FBXL18: variants seen among roughly 807,000 people sequenced by gnomAD.
FBXL18 encodes the protein F-box/LRR-repeat protein 18.
A neutral mutation model predicts 46.0 loss-of-function variants in FBXL18; 36 were observed. That is an observed-to-expected ratio of 0.78 (90% CI 0.60 to 1.03). The LOEUF (loss-of-function observed/expected upper bound fraction) is 1.03, where lower values mean the gene tolerates loss of function less well. FBXL18 is among the 50% of genes least tolerant of loss of function. FBXL18 has a pLI of 0.00. For missense variants in FBXL18, 977 were observed against 1,004.1 expected (o/e 0.97, Z 0.36); for synonymous variants, 557 against 465.3 (o/e 1.20, Z -2.54).
Position 5,501,924 on chromosome 7 carries a change from C to G in FBXL18, c.345G>C (p.Val115=). 1 of 1,603,216 alleles carries G rather than the reference C, an allele frequency of 6.2e-7. No individual in the cohort carries two copies. Among genetic ancestry groups the G allele is most frequent in the Non-Finnish European group, 8.5e-7 (1 of 1,176,184 alleles). Residue 115 remains valine, a synonymous_variant, in exon 3 of 5, where the codon GTG becomes GTC. Coordinates refer to ENST00000382368, the MANE Select transcript of FBXL18 (RefSeq NM_024963.6). ...CCTTCACCAGGCTGCGGCAGCGGGC[C>G]ACGTGTTCCACGGTGGAGCCAGGCA... ...YWLPGSTVEH[V]ARCRSLVKVN... is the part of the protein sequence containing the mutation.
chr7:5,497,377 A>C (rs1784109934), intron 3 of FBXL18, among the ~76,000 whole-genome samples: 1 of 152,130 alleles, frequency 6.6e-6, no homozygotes, highest in Admixed American at 6.6e-5. Context: ...GGAGCCTCGC[A>C]GTGGCTCGAG....
Position 5,513,795 on chromosome 7 carries a change from G to T in FBXL18, c.-121C>A. The stretch of plus-strand genomic sequence containing the variant: ...CAACCGAGACCCCGGCAAGGAGCGG[G>T]CTCTCGTCACTTCCGGCGCCCGCCT... On this transcript the variant is annotated 5_prime_UTR_variant, in exon 1 of 5. Coordinates refer to ENST00000382368, the MANE Select transcript of FBXL18 (RefSeq NM_024963.6). 7.2e-7 allele frequency: 1 copy of T among 1,388,702 alleles called. No homozygotes were observed. Among genetic ancestry groups the T allele is most frequent in the Non-Finnish European group, 9.7e-7 (1 of 1,030,022 alleles). The allele number at this position is 1,388,702 out of a possible 1,614,324, so 86.0% of individuals were successfully genotyped here. A position where few individuals can be genotyped will look rare whatever the true frequency, so the allele number is the denominator to read the frequency against.
chr7:5,473,502 C>T (rs1393959097), downstream of FBXL18, among the ~76,000 whole-genome samples: 2 of 152,128 alleles, frequency 1.3e-5, no homozygotes. Context: ...TGGTTCATGC[C>T]TGTAATCCCA....
intron 4 of FBXL18, among the ~76,000 whole-genome samples, chr7:5,482,217 G>A (rs951046672): frequency 6.6e-6 from 1 of 152,186 alleles, no homozygotes; most frequent in Non-Finnish European, 1.5e-5. Context: ...AGGCCCCGGA[G>A]GCCAACCCTG....
chr7:5,493,076 T>C (rs1376549006), intron 3 of FBXL18, among the ~76,000 whole-genome samples: 1 of 152,154 alleles, frequency 6.6e-6, no homozygotes, highest in Non-Finnish European at 1.5e-5. Context: ...GGCTCACACT[T>C]ATAATCCCAG....
intron 3 of FBXL18, 80 bp from the exon 4 acceptor site, chr7:5,491,529 A>G: frequency 8.1e-7 from 1 of 1,241,978 alleles, no homozygotes; most frequent in East Asian, 2.5e-5. Context: ...AGGTGCTGCC[A>G]GTGGAAGCTT....
Position 5,500,655 on chromosome 7 carries a change from G to A in FBXL18, c.1614C>T (p.Leu538=). The A allele has an allele frequency of 1.9e-6, 3 of 1,611,968 alleles. No homozygotes were observed. The highest frequency in any genetic ancestry group is 2.5e-6 in the Non-Finnish European group (3 of 1,179,438). ...CCGTAAGGACGCTGGGCAGCTGTGC[G>A]AGCGTCAGGTGCCGCAGGAAGGCCA... ...GQLAFLRHLT[L]AQLPSVLTGS... Residue 538 remains leucine, a synonymous_variant, in exon 3 of 5, where the codon CTC becomes CTT. Transcript: ENST00000382368.
chr7:5,489,345 T>C (rs1431160692), intron 4 of FBXL18: 2 of 518,300 alleles, frequency 3.9e-6, no homozygotes, highest in Non-Finnish European at 7.7e-6. Flanking sequence ...TAAAAATAGG[T>C]TGATGTTGGC....
At chr7:5,461,246 A>AC (rs1396034689) in intron 4 of FBXL18, among the ~76,000 whole-genome samples, 1 of 152,162 alleles carries the variant, frequency 6.6e-6, no homozygotes, top group Non-Finnish European at 1.5e-5. Flanking sequence ...TGGGCACTGC[A>AC]CTGGGCACTT....
intron 4 of FBXL18, chr7:5,489,441 C>CT: frequency 2.3e-6 from 1 of 432,512 alleles, no homozygotes; most frequent in Non-Finnish European, 4.5e-6. Context: ...TAGAGACCAG[C>CT]CTGGGCAACA....
At chr7:5,503,556 C>G (rs1039456787) in intron 2 of FBXL18, among the ~76,000 whole-genome samples, 1 of 151,210 alleles carries the variant, frequency 6.6e-6, no homozygotes, top group Non-Finnish European at 1.5e-5. Flanking sequence ...GATGGAGTTT[C>G]ACCAAGTTGT....
chr7:5,491,091 T>C, intron 4 of FBXL18, 140 bp downstream of exon 4: 1 of 769,536 alleles, frequency 1.3e-6, no homozygotes, highest in Non-Finnish European at 2.1e-6. Flanking sequence ...ACCAAACCCC[T>C]TGCTTTCACC....
Position 5,513,656 on chromosome 7 carries a change from C to A in FBXL18, c.18+1G>T, listed in dbSNP as rs1280312901. ...AGAGCGGAGACAGTCGCGGACAGTA[C>A]CTCTCCGGAGCTGGCCATGTCGCCG... is the stretch of plus-strand genomic sequence containing the variant. On this transcript the variant is annotated splice_donor_variant, in intron 1 of 4. Coordinates refer to ENST00000382368, the MANE Select transcript of FBXL18 (RefSeq NM_024963.6). LOFTEE classifies it high-confidence loss of function. The A allele has an allele frequency of 6.2e-7, 1 of 1,611,044 alleles. No homozygotes were observed. Among genetic ancestry groups the A allele is most frequent in the Admixed American group, 1.7e-5 (1 of 59,698 alleles).
At chr7:5,486,069 AT>A (rs1285554935) in intron 4 of FBXL18, among the ~76,000 whole-genome samples, 305 of 40,234 alleles carry the variant, frequency 7.6e-3, no homozygotes, top group Middle Eastern at 0.024. Context: ...AAAAAAATAA[AT>A]AAATAAATAA....
chr7:5,463,742 T>TTA (rs1783298815), intron 4 of FBXL18, among the ~76,000 whole-genome samples: 3 of 72,974 alleles, frequency 4.1e-5, no homozygotes, highest in Non-Finnish European at 7.9e-5. Context: ...TTTTTTTTTT[T>TTA]TTTTTTTTTT....
intron 2 of FBXL18, among the ~76,000 whole-genome samples, chr7:5,504,415 G>A (rs1427778944): frequency 1.4e-5 from 2 of 147,764 alleles, no homozygotes; most frequent in Admixed American, 6.7e-5. Flanking sequence ...GGGGATTCTC[G>A]TGCCTCAGCC....
At chr7:5,463,563 G>A (rs917296713) in intron 4 of FBXL18, among the ~76,000 whole-genome samples, 3 of 151,424 alleles carry the variant, frequency 2.0e-5, no homozygotes, top group African/African-American at 7.3e-5. Context: ...AGGCTGTAGT[G>A]AACCACGATT....
At chr7:5,469,525 G>T (rs185103979) in intron 4 of FBXL18, among the ~76,000 whole-genome samples, 559 of 152,258 alleles carry the variant, frequency 3.7e-3, no homozygotes, top group South Asian at 8.7e-3. Context: ...GAGTGTGAAT[G>T]TGTGAGCTAT....
intron 4 of FBXL18, among the ~76,000 whole-genome samples, chr7:5,468,119 A>G (rs759298247): frequency 2.0e-5 from 3 of 151,816 alleles, no homozygotes; most frequent in African/African-American, 4.8e-5. Flanking sequence ...AGTAGCTGGG[A>G]CTACAGGCGC....
Sources: allele counts gnomAD v4.1 joint callset (sites outside exome capture counted in the v4.1 genomes callset), GRCh38; gene constraint gnomAD v4.1.1; transcripts MANE v1.5; gene names NCBI Gene and HGNC (gene_info 2026-07-23, HGNC 2026-07-21).